Variants in RIPOR3 observed in about 807,000 individuals in gnomAD.
RIPOR3 encodes RIPOR family member 3, also known as family with sequence similarity 65 member C.
A neutral mutation model predicts 114.3 loss-of-function variants in RIPOR3; 95 were observed. The ratio of observed to expected loss-of-function variants is 0.83; its 90% CI spans 0.70 to 0.99. RIPOR3 has a LOEUF of 0.99. Ranked by LOEUF, RIPOR3 falls within the 50% of genes least tolerant of loss-of-function variation. The pLI is 0.00. For synonymous variants in RIPOR3, 575 were observed against 543.8 expected (o/e 1.06, Z -0.80); for missense variants, 1,252 against 1,266.9 (o/e 0.99, Z 0.18).
At chr20:50,620,542 G>A (rs780639552) in intron 2 of RIPOR3, among the ~76,000 whole-genome samples, 67 of 152,162 alleles carry the variant, frequency 4.4e-4, no homozygotes, top group Non-Finnish European at 8.2e-4. Flanking sequence ...CACAAGAATC[G>A]CTTGAACCCG....
At position 50,602,508 on chromosome 20, in the gene RIPOR3, T is replaced by C; in HGVS notation, c.1223A>G (p.Asp408Gly). ...TCGGGGGTCCTCAGAGCTGAAGGAGTCCATCTCAGGCAGCTCCTGACTCTG... is the reference window on the plus strand; with the variant it reads ...TCGGGGGTCCTCAGAGCTGAAGGAGCCCATCTCAGGCAGCTCCTGACTCTG... Reference protein sequence around the residue: ...RSQSQELPEMDSFSSEDPRDT... With the variant: ...RSQSQELPEMGSFSSEDPRDT... The change falls in exon 13 of 22, where the codon GAC (aspartate) becomes GGC (glycine). Residue 408 changes from aspartate (D) to glycine (G), a missense_variant. Asp to Gly is a moderately conservative substitution (Grantham distance 94). Transcript: ENST00000327979. This position sits in a 1 kb window ranked among gnomAD's most constrained non-coding sequence, Gnocchi z 4.3. The C allele has an allele frequency of 6.5e-7, 1 of 1,549,796 alleles. No individual in the cohort carries two copies. The highest frequency in any genetic ancestry group is 8.7e-7 in the Non-Finnish European group (1 of 1,147,054).
chr20:50,671,848 ATGAG>A (rs2086512535), intron 1 of RIPOR3, among the ~76,000 whole-genome samples: 1 of 150,762 alleles, frequency 6.6e-6, no homozygotes, highest in Non-Finnish European at 1.5e-5. Context: ...AGATGGGTGG[ATGAG>A]TGAGTGGGTG....
rs1170404467 is a variant in RIPOR3, at chr20:50,602,771, G to A, written c.1087-127C>T. On this transcript the variant is annotated intron_variant, in intron 12 of 21. Transcript: ENST00000327979. The surrounding 1 kb of genome is among the most constrained non-coding windows in gnomAD (Gnocchi z 4.3). ...GTTCTCAGGATGACTGAGGCCTGCC[G>A]AGGTGACCAGCATCCCAGAGGTGCA... The A allele has an allele frequency of 8.1e-6, 5 of 614,204 alleles. No individual in the cohort carries two copies. Among genetic ancestry groups the A allele is most frequent in the Non-Finnish European group, 9.6e-6 (4 of 414,510 alleles). 38.0% of individuals were successfully genotyped at this position (614,204 alleles called of 1,614,324 possible). A position where few individuals can be genotyped will look rare whatever the true frequency, so the allele number is the denominator to read the frequency against.
chr20:50,596,476 C>G (rs149518874), intron 14 of RIPOR3, among the ~76,000 whole-genome samples: 4 of 152,138 alleles, frequency 2.6e-5, no homozygotes, highest in Non-Finnish European at 4.4e-5. Flanking sequence ...GAAGGCAGGG[C>G]GGGCAGTCGT....
At position 50,632,691 on chromosome 20, in the gene RIPOR3, T is replaced by A. The variant is rs544642343; in HGVS notation, c.4-1835A>T. Among the ~76,000 whole-genome samples the A allele has an allele frequency of 5.3e-5, 8 of 152,374 alleles. No homozygotes were observed. The East Asian group carries it at 1.5e-3, about 29-fold the overall frequency. ...AGCTGGCCCTGCACTAAATGCTTTA[T>A]GTAAATTATGAAATCCATACAACCC... On this transcript the variant is annotated intron_variant, in intron 1 of 21. Transcript: ENST00000327979.
intron 1 of RIPOR3, among the ~76,000 whole-genome samples, chr20:50,635,997 C>A (rs2084972809): frequency 6.6e-6 from 1 of 152,270 alleles, no homozygotes; most frequent in Non-Finnish European, 1.5e-5. Flanking sequence ...CTTTTGGCTT[C>A]AGGGTGTTGC....
chr20:50,591,662 G>A (rs140985102), intron 19 of RIPOR3, among the ~76,000 whole-genome samples: 129 of 152,304 alleles, frequency 8.5e-4, no homozygotes, highest in Non-Finnish European at 1.5e-3. Flanking sequence ...AGGGTGTGGC[G>A]CCTTAAACGT....
chr20:50,685,694 G>T (rs1464337810), intron 1 of RIPOR3, among the ~76,000 whole-genome samples: 1 of 128,206 alleles, frequency 7.8e-6, no homozygotes, highest in Middle Eastern at 3.6e-3. Flanking sequence ...GGTGGCATGT[G>T]CCTGTAATCC....
intron 1 of RIPOR3, among the ~76,000 whole-genome samples, chr20:50,661,130 C>G (rs1431969552): frequency 1.3e-5 from 2 of 150,962 alleles, no homozygotes; most frequent in East Asian, 4.0e-4. Flanking sequence ...CCCAGCTACT[C>G]GGGAGGCTGA....
intron 18 of RIPOR3, 54 bp downstream of exon 18, chr20:50,592,981 G>C: frequency 1.3e-6 from 2 of 1,595,850 alleles, no homozygotes; most frequent in Non-Finnish European, 1.7e-6. Flanking sequence ...AACTGCATGT[G>C]ACAGGGCTCC....
chr20:50,612,469 T>C (rs1400184339), intron 4 of RIPOR3, among the ~76,000 whole-genome samples: 1 of 152,178 alleles, frequency 6.6e-6, no homozygotes, highest in Non-Finnish European at 1.5e-5. Flanking sequence ...CCAGTGGAGA[T>C]TAGAGTCACT....
chr20:50,601,741 G>A (rs1378998748), intron 13 of RIPOR3, among the ~76,000 whole-genome samples: 2 of 152,116 alleles, frequency 1.3e-5, no homozygotes, highest in South Asian at 2.1e-4. Context: ...AGCCAGCTGC[G>A]ACCCTGACAA....
intron 4 of RIPOR3, among the ~76,000 whole-genome samples, chr20:50,615,311 C>T (rs1253836287): frequency 1.3e-5 from 2 of 151,594 alleles, no homozygotes; most frequent in African/African-American, 4.8e-5. Context: ...ATTGCTGGAG[C>T]CCAGGAGTTC....
chr20:50,681,736 A>G (rs1304040450), intron 1 of RIPOR3, among the ~76,000 whole-genome samples: 3 of 152,188 alleles, frequency 2.0e-5, no homozygotes, highest in Admixed American at 1.3e-4. Context: ...AACCAGACCA[A>G]ATAAAAGGAG....
intron 2 of RIPOR3, among the ~76,000 whole-genome samples, chr20:50,622,737 A>G (rs889139930): frequency 3.3e-5 from 5 of 152,142 alleles, no homozygotes; most frequent in African/African-American, 4.8e-5. Context: ...AAGCACCTGC[A>G]TTTTGGGGGT....
intron 9 of RIPOR3, 57 bp downstream of exon 9, chr20:50,608,855 C>T (rs576201602): frequency 1.2e-4 from 199 of 1,607,016 alleles, no homozygotes; most frequent in South Asian, 8.7e-4. Flanking sequence ...CAGCAGCTCC[C>T]GTCCCCCAAA....
chr20:50,602,653 G>A lies in RIPOR3; in HGVS notation c.1087-9C>T, dbSNP rs754674353. On this transcript the variant is annotated splice_polypyrimidine_tract_variant and intron_variant, in intron 12 of 21. Transcript: ENST00000327979. This position sits in a 1 kb window ranked among gnomAD's most constrained non-coding sequence, Gnocchi z 4.3. ...GGCTGCTGTAGGACAGACTGGAGAGGGGACACGGGAGCGGCCTCACCAGCC... is the reference window on the plus strand; with the variant it reads ...GGCTGCTGTAGGACAGACTGGAGAGAGGACACGGGAGCGGCCTCACCAGCC... 18 of 1,451,332 alleles carry A rather than the reference G, an allele frequency of 1.2e-5. No individual in the cohort carries two copies. The highest frequency in any genetic ancestry group is 8.0e-5 in the South Asian group (5 of 62,224). The allele number at this position is 1,451,332 out of a possible 1,614,324, so 89.9% of individuals were successfully genotyped here. A position where few individuals can be genotyped will look rare whatever the true frequency, so the allele number is the denominator to read the frequency against.
intron 11 of RIPOR3, among the ~76,000 whole-genome samples, chr20:50,606,073 G>T (rs892458615): frequency 1.3e-5 from 2 of 152,212 alleles, no homozygotes; most frequent in African/African-American, 4.8e-5. Flanking sequence ...GGGCATGGTG[G>T]CAGGCACCTG....
chr20:50,618,032 A>G (rs1001389405), intron 3 of RIPOR3, among the ~76,000 whole-genome samples: 1 of 151,888 alleles, frequency 6.6e-6, no homozygotes, highest in African/African-American at 2.4e-5. Context: ...TTGGGAAGCC[A>G]AAGCAGGTGG....
Sources: allele counts gnomAD v4.1 joint callset (sites outside exome capture counted in the v4.1 genomes callset), GRCh38; gene constraint gnomAD v4.1.1; non-coding constraint Gnocchi (gnomAD v3.1); transcripts MANE v1.5; gene names NCBI Gene and HGNC (gene_info 2026-07-23, HGNC 2026-07-21).